SMYD3: variants seen among roughly 807,000 people sequenced by gnomAD.
SMYD3 encodes SET and MYND domain containing 3, also known as histone-lysine N-methyltransferase SMYD3.
In SMYD3, 36 loss-of-function variants were observed where a neutral mutation model predicts 57.7. The observed-to-expected ratio is 0.62, with a 90% CI of 0.48 to 0.82. The LOEUF is 0.82. SMYD3 is among the 40% of genes least tolerant of loss of function. The probability of loss-of-function intolerance (pLI) is 0.00; values close to 1 mark genes in which losing one functional copy is unlikely to be tolerated. For missense variants in SMYD3, 515 were observed against 538.8 expected (o/e 0.96, Z 0.44); for synonymous variants, 211 against 195.0 (o/e 1.08, Z -0.68).
chr1:245,961,352 G>A (rs1186488546), intron 5 of SMYD3, among the ~76,000 whole-genome samples: 1 of 152,100 alleles, frequency 6.6e-6, no homozygotes, highest in Non-Finnish European at 1.5e-5. Flanking sequence ...CAATTTTAAG[G>A]GGAATGAATC....
intron 1 of SMYD3, among the ~76,000 whole-genome samples, chr1:246,409,092 G>A (rs1338887035): frequency 1.3e-5 from 2 of 152,062 alleles, no homozygotes; most frequent in African/African-American, 2.4e-5. Context: ...TGTCAGATGA[G>A]TAGGTTGCAA....
At chr1:246,362,059 C>T (rs1439432201) in intron 1 of SMYD3, among the ~76,000 whole-genome samples, 1 of 151,944 alleles carries the variant, frequency 6.6e-6, no homozygotes, top group East Asian at 1.9e-4. Context: ...ACCGCCCCCA[C>T]AAAAAAATGT....
intron 5 of SMYD3, among the ~76,000 whole-genome samples, chr1:246,187,702 CT>C (rs1406949289): frequency 1.3e-5 from 2 of 152,138 alleles, no homozygotes; most frequent in African/African-American, 4.8e-5. Context: ...TTTTATTCAT[CT>C]TTTTTGAAAC....
chr1:246,470,674 G>GTA (rs2067949903), intron 1 of SMYD3, among the ~76,000 whole-genome samples: 1 of 150,672 alleles, frequency 6.6e-6, no homozygotes, highest in South Asian at 2.1e-4. Context: ...GCATATGTGT[G>GTA]TATATATATA....
chr1:246,446,753 G>C (rs2067555820), intron 1 of SMYD3, among the ~76,000 whole-genome samples: 1 of 152,084 alleles, frequency 6.6e-6, no homozygotes, highest in South Asian at 2.1e-4. Context: ...TCCTAGGCCG[G>C]GCGCTGTGGC....
chr1:246,114,383 C>A (rs1267315227), intron 5 of SMYD3, among the ~76,000 whole-genome samples: 2 of 152,226 alleles, frequency 1.3e-5, no homozygotes, highest in Non-Finnish European at 2.9e-5. Context: ...TTAGCACCAA[C>A]AAGGAAGAGG....
intron 5 of SMYD3, among the ~76,000 whole-genome samples, chr1:246,105,788 G>A (rs2061107557): frequency 6.6e-6 from 1 of 152,180 alleles, no homozygotes. Flanking sequence ...GCTTTCCACG[G>A]TTAATCAAAT....
intron 10 of SMYD3, among the ~76,000 whole-genome samples, chr1:245,829,507 G>A (rs2049711432): frequency 6.6e-6 from 1 of 152,056 alleles, no homozygotes. Flanking sequence ...GATATGGAGA[G>A]GTACTCTCCG....
At chr1:245,986,170 A>C (rs1000620362) in intron 5 of SMYD3, among the ~76,000 whole-genome samples, 9 of 151,194 alleles carry the variant, frequency 6.0e-5, no homozygotes, top group African/African-American at 2.2e-4. Flanking sequence ...CTCAACTTTA[A>C]CATGTTTCAT....
At chr1:245,842,794 G>A (rs1369351957) in intron 10 of SMYD3, among the ~76,000 whole-genome samples, 3 of 151,922 alleles carry the variant, frequency 2.0e-5, no homozygotes, top group Non-Finnish European at 2.9e-5. Context: ...CTGTTACCTC[G>A]AACTCCTGGG....
At chr1:246,356,897 T>A (rs1469744071) in intron 1 of SMYD3, among the ~76,000 whole-genome samples, 1 of 152,220 alleles carries the variant, frequency 6.6e-6, no homozygotes, top group Non-Finnish European at 1.5e-5. Context: ...GGAAAACTTG[T>A]CTGACCTTGC....
intron 3 of SMYD3, among the ~76,000 whole-genome samples, chr1:246,330,796 TA>T (rs2065446925): frequency 6.6e-6 from 1 of 152,190 alleles, no homozygotes; most frequent in Non-Finnish European, 1.5e-5. Context: ...TTTATATTCA[TA>T]AAACCCTCTA....
At chr1:246,077,235 A>AT (rs1195053029) in intron 5 of SMYD3, among the ~76,000 whole-genome samples, 1 of 152,192 alleles carries the variant, frequency 6.6e-6, no homozygotes, top group Non-Finnish European at 1.5e-5. Flanking sequence ...TTCACAGAAG[A>AT]TTTTTTTAAA....
At chr1:245,868,352 G>C (rs2051993780) in intron 8 of SMYD3, among the ~76,000 whole-genome samples, 1 of 152,124 alleles carries the variant, frequency 6.6e-6, no homozygotes, top group African/African-American at 2.4e-5. Flanking sequence ...TTGCTTAAAA[G>C]GTGAAACTCA....
At chr1:246,023,629 T>C (rs188241140) in intron 5 of SMYD3, among the ~76,000 whole-genome samples, 11 of 152,310 alleles carry the variant, frequency 7.2e-5, no homozygotes, top group African/African-American at 2.6e-4. Context: ...TTATATTTAC[T>C]AGAAGAATGA....
intron 5 of SMYD3, among the ~76,000 whole-genome samples, chr1:246,247,299 A>G (rs2063719926): frequency 6.9e-6 from 1 of 145,600 alleles, no homozygotes; most frequent in Non-Finnish European, 1.5e-5. Context: ...TTTATGTGTT[A>G]TAAGCAAAAT....
chr1:245,941,522 T>TTTTG lies in SMYD3; in HGVS notation c.532-11586_532-11585insCAAA, dbSNP rs765994288. ...ATTAGGGATCAATATTCAACATTTT[T>TTTTG]TTCGTTTGTTTGTTTTGAGACAGAG... On this transcript the variant is annotated intron_variant, in intron 5 of 11. Transcript: ENST00000490107. Among the ~76,000 whole-genome samples, 8 of 152,208 alleles carry TTTTG rather than the reference T, an allele frequency of 5.3e-5. 1 individual carries two copies. In the South Asian group the frequency reaches 8.3e-4, roughly 16 times the overall value.
At chr1:246,090,317 A>G (rs972301606) in intron 5 of SMYD3, among the ~76,000 whole-genome samples, 2 of 152,104 alleles carry the variant, frequency 1.3e-5, no homozygotes, top group Non-Finnish European at 2.9e-5. Flanking sequence ...AGTCAAAATA[A>G]TCACATATAA....
At chr1:245,775,349 C>G (rs2046535902) in intron 10 of SMYD3, among the ~76,000 whole-genome samples, 7 of 152,090 alleles carry the variant, frequency 4.6e-5, no homozygotes, top group Admixed American at 4.6e-4. Flanking sequence ...ATGGGAGACT[C>G]CAGTTTGTTC....
Sources: allele counts gnomAD v4.1 joint callset (sites outside exome capture counted in the v4.1 genomes callset), GRCh38; gene constraint gnomAD v4.1.1; transcripts MANE v1.5; gene names NCBI Gene and HGNC (gene_info 2026-07-23, HGNC 2026-07-21).